The following ELOVL2 variants were observed in gnomAD, a reference collection of about 807,000 sequenced individuals.
ELOVL2 encodes ELOVL fatty acid elongase 2, also known as very long chain fatty acid elongase 2.
A neutral mutation model predicts 37.7 loss-of-function variants in ELOVL2; 38 were observed. The observed-to-expected ratio is 1.01, with a 90% CI of 0.78 to 1.32. The LOEUF is 1.32. ELOVL2 is among the 40% of genes most tolerant of loss of function. The pLI is 0.00. For missense variants in ELOVL2, 352 were observed against 363.6 expected, an observed-to-expected ratio of 0.97 and a Z score of 0.26; for synonymous variants, 115 against 122.3, an observed-to-expected ratio of 0.94 and a Z score of 0.40.
At chr6:11,006,451 A>G (rs935334434) in intron 2 of ELOVL2, among the ~76,000 whole-genome samples, 36 of 152,238 alleles carry the variant, frequency 2.4e-4, no homozygotes, top group African/African-American at 8.4e-4. Flanking sequence ...TTGTTTAAAT[A>G]AAGAAAATGA....
intron 1 of ELOVL2, among the ~76,000 whole-genome samples, chr6:11,028,899 T>C (rs1782876342): frequency 6.6e-6 from 1 of 151,952 alleles, no homozygotes; most frequent in Non-Finnish European, 1.5e-5. Flanking sequence ...CCTGATTTCA[T>C]AGAGCTGGTA....
chr6:11,012,832 A>G (rs1457453317), intron 1 of ELOVL2, among the ~76,000 whole-genome samples: 6 of 152,238 alleles, frequency 3.9e-5, no homozygotes. Context: ...AATAAAGTCA[A>G]ATGAGATGTG....
chr6:10,999,176 TAATA>T (rs1317176087), intron 4 of ELOVL2, among the ~76,000 whole-genome samples: 2 of 152,220 alleles, frequency 1.3e-5, no homozygotes, highest in East Asian at 3.8e-4. Context: ...GTCACCAACT[TAATA>T]TATAGGTATA....
In ELOVL2 at chr6:11,023,607, CT is replaced by C. The variant is rs576700278; in HGVS notation, c.4-12799del. ...GGACAGACTATTTTATATTTTCCTT[CT>C]TTTAAGCTATAAAACCAACCAATAT... On this transcript the variant is annotated intron_variant, in intron 1 of 7. Coordinates refer to ENST00000354666, the MANE Select transcript of ELOVL2 (RefSeq NM_017770.4). Among the ~76,000 whole-genome samples, 31 of 152,304 alleles carry C rather than the reference CT, an allele frequency of 2.0e-4. 1 individual carries two copies. The highest frequency in any genetic ancestry group is 2.9e-5 in the Non-Finnish European group (2 of 68,038).
intron 1 of ELOVL2, chr6:11,043,963 G>A (rs1054331465): frequency 3.2e-5 from 10 of 315,954 alleles, no homozygotes; most frequent in East Asian, 5.1e-5. Flanking sequence ...GCGCCTCGAG[G>A]TGCCGGGGCG....
chr6:11,042,791 T>G (rs1175314545), intron 1 of ELOVL2, among the ~76,000 whole-genome samples: 1 of 152,100 alleles, frequency 6.6e-6, no homozygotes, highest in East Asian at 1.9e-4. Flanking sequence ...GCATAATCTT[T>G]GCAGTTACTC....
At chr6:11,003,142 T>A (rs1782420232) in intron 3 of ELOVL2, among the ~76,000 whole-genome samples, 2 of 152,206 alleles carry the variant, frequency 1.3e-5, no homozygotes, top group South Asian at 4.1e-4. Context: ...TGCTGTCACT[T>A]CTTTTTTATT....
chr6:11,022,744 G>C (rs954281124), intron 1 of ELOVL2, among the ~76,000 whole-genome samples: 1 of 152,130 alleles, frequency 6.6e-6, no homozygotes, highest in African/African-American at 2.4e-5. Context: ...AATGACTTGT[G>C]AATTAATTCA....
chr6:11,009,630 C>G (rs372796341), intron 2 of ELOVL2, among the ~76,000 whole-genome samples: 2 of 152,054 alleles, frequency 1.3e-5, no homozygotes, highest in Non-Finnish European at 1.5e-5. Flanking sequence ...GGGAATAGCA[C>G]GTAAAAGAAT....
intron 1 of ELOVL2, among the ~76,000 whole-genome samples, chr6:11,042,243 G>A (rs552464070): frequency 2.0e-5 from 3 of 152,238 alleles, no homozygotes; most frequent in East Asian, 1.9e-4. Flanking sequence ...AGCCCAGGAG[G>A]TGGAGGTTGC....
Position 11,011,562 on chromosome 6 carries a change from G to A in ELOVL2, c.4-753C>T, listed in dbSNP as rs138275360. ...TTAAAATGAAAATTCAGGCTGAACTGTATTTCGTAAAACTGAATCTAAAAC... is the reference window on the plus strand; with the variant it reads ...TTAAAATGAAAATTCAGGCTGAACTATATTTCGTAAAACTGAATCTAAAAC... On this transcript the variant is annotated intron_variant, in intron 1 of 7. Coordinates refer to ENST00000354666, the MANE Select transcript of ELOVL2 (RefSeq NM_017770.4). Among the ~76,000 whole-genome samples the A allele has an allele frequency of 7.9e-4, 120 of 152,258 alleles. 2 individuals carry two copies. The East Asian group carries it at 0.023, about 29-fold the overall frequency.
At chr6:11,006,984 T>A (rs1002118258) in intron 2 of ELOVL2, among the ~76,000 whole-genome samples, 1 of 152,262 alleles carries the variant, frequency 6.6e-6, no homozygotes, top group African/African-American at 2.4e-5. Flanking sequence ...AATTCACATA[T>A]TATTATGGCT....
rs146045689 is a variant in ELOVL2, at chr6:11,026,611, T to G, written c.4-15802A>C. ...GAGAGCCTCCTTTGTTTCACTCGACTAACTAGGAGTTGCAGGGAAACTGAA... is the reference window on the plus strand; with the variant it reads ...GAGAGCCTCCTTTGTTTCACTCGACGAACTAGGAGTTGCAGGGAAACTGAA... On this transcript the variant is annotated intron_variant, in intron 1 of 7. Coordinates refer to ENST00000354666, the MANE Select transcript of ELOVL2 (RefSeq NM_017770.4). Among the ~76,000 whole-genome samples, 724 of 152,348 alleles carry G rather than the reference T, an allele frequency of 4.8e-3. 6 individuals are homozygous for G. Among genetic ancestry groups the G allele is most frequent in the Middle Eastern group, 0.02 (6 of 294 alleles).
intron 2 of ELOVL2, 27 bp downstream of exon 2, chr6:11,010,719 C>T (rs771588356): frequency 4.4e-6 from 7 of 1,578,442 alleles, no homozygotes; most frequent in Non-Finnish European, 5.2e-6. Flanking sequence ...GTTCCTTCCA[C>T]ATTAAGTTCT....
chr6:11,043,135 C>T (rs1212506957), intron 1 of ELOVL2, among the ~76,000 whole-genome samples: 2 of 152,010 alleles, frequency 1.3e-5, no homozygotes, highest in African/African-American at 4.8e-5. Context: ...GCAGATGGTA[C>T]GTGCCTAAAA....
intron 7 of ELOVL2, among the ~76,000 whole-genome samples, chr6:10,986,211 C>G (rs1200790905): frequency 6.6e-6 from 1 of 152,180 alleles, no homozygotes; most frequent in African/African-American, 2.4e-5. Flanking sequence ...TATCCTGAGA[C>G]TTTGCTGAAG....
At chr6:10,984,951 G>A (rs557413890) in intron 7 of ELOVL2, among the ~76,000 whole-genome samples, 2 of 152,238 alleles carry the variant, frequency 1.3e-5, no homozygotes, top group South Asian at 4.1e-4. Context: ...CTTCCACAAG[G>A]GTTGAACTAG....
At position 10,986,313 on chromosome 6, in the gene ELOVL2, C is replaced by G. The variant is rs192913911; in HGVS notation, c.766-2407G>C. On this transcript the variant is annotated intron_variant, in intron 7 of 7. Transcript: ENST00000354666. The stretch of plus-strand genomic sequence containing the variant: ...CTGCAAACAGGGACAGTTTGACTTC[C>G]TCTTTTCCTAATTGAATACCCTTTA... 1.1e-3 allele frequency among the ~76,000 whole-genome samples: 175 copies of G among 152,310 alleles called. 3 individuals are homozygous for G. Among genetic ancestry groups the G allele is most frequent in the Admixed American group, 9.6e-3 (147 of 15,300 alleles).
chr6:10,997,655 C>A (rs569356419), intron 4 of ELOVL2, among the ~76,000 whole-genome samples: 1 of 152,124 alleles, frequency 6.6e-6, no homozygotes, highest in African/African-American at 2.4e-5. Flanking sequence ...TCTACACATG[C>A]GTTTTGTTAC....
Sources: gnomAD v4.1 joint callset for allele counts (sites outside exome capture counted in the v4.1 genomes callset) on GRCh38, gnomAD v4.1.1 for gene constraint, MANE v1.5 for transcripts, NCBI Gene and HGNC (gene_info 2026-07-23, HGNC 2026-07-21) for gene names.